The following NAALADL2 variants were observed in gnomAD, a reference collection of about 807,000 sequenced individuals.
NAALADL2 encodes N-acetylated alpha-linked acidic dipeptidase like 2.
In NAALADL2, 76 loss-of-function variants were observed where a neutral mutation model predicts 87.2. That is an observed-to-expected ratio of 0.87 (90% confidence interval 0.72 to 1.05). The LOEUF (loss-of-function observed/expected upper bound fraction) is 1.05. Ranked by LOEUF, NAALADL2 falls within the 50% of genes least tolerant of loss-of-function variation. The pLI, the probability that NAALADL2 is intolerant of heterozygous loss-of-function variation, is 0.00. For synonymous variants in NAALADL2, 354 were observed against 331.0 expected (o/e 1.07, Z -0.75); for missense variants, 1,089 against 945.8 (o/e 1.15, Z -1.99).
At chr3:175,724,065 A>G (rs902114573) in intron 11 of NAALADL2, among the ~76,000 whole-genome samples, 1 of 152,140 alleles carries the variant, frequency 6.6e-6, no homozygotes, top group Non-Finnish European at 1.5e-5. Flanking sequence ...TAACTATGTC[A>G]CAGTTTTACC....
chr3:175,354,363 A>G (rs1764110487), intron 5 of NAALADL2, among the ~76,000 whole-genome samples: 1 of 152,210 alleles, frequency 6.6e-6, no homozygotes, highest in South Asian at 2.1e-4. Context: ...TATTTGAAAC[A>G]GGATCAATTT....
intron 13 of NAALADL2, among the ~76,000 whole-genome samples, chr3:175,796,804 A>G (rs1359859639): frequency 2.6e-5 from 4 of 152,240 alleles, no homozygotes; most frequent in African/African-American, 4.8e-5. Flanking sequence ...CAGGCTTACA[A>G]TGGATGGCAT....
intron 1 of NAALADL2, among the ~76,000 whole-genome samples, chr3:175,068,618 T>C (rs906537889): frequency 6.6e-6 from 1 of 152,094 alleles, no homozygotes; most frequent in African/African-American, 2.4e-5. Flanking sequence ...ACTTAGGTCT[T>C]GCTATCAAGT....
intron 2 of NAALADL2, among the ~76,000 whole-genome samples, chr3:175,155,751 T>C (rs1732220676): frequency 6.6e-6 from 1 of 152,162 alleles, no homozygotes; most frequent in African/African-American, 2.4e-5. Flanking sequence ...ATTGGAATCA[T>C]CTCAGAGGCT....
At chr3:174,468,384 C>CTT (rs67829845) in intron 1 of NAALADL2, among the ~76,000 whole-genome samples, 3,953 of 132,678 alleles carry the variant, frequency 0.03, 116 homozygotes, top group Non-Finnish European at 0.044. Flanking sequence ...CTTTCTTTTT[C>CTT]TTTTTTTTTT....
At chr3:174,696,655 T>C (rs951401808) in intron 2 of NAALADL2, among the ~76,000 whole-genome samples, 2 of 149,330 alleles carry the variant, frequency 1.3e-5, no homozygotes, top group Non-Finnish European at 3.0e-5. Flanking sequence ...ACTACAGATA[T>C]ATTTTTTCCA....
chr3:175,342,530 G>GTGTA (rs1488097996), intron 5 of NAALADL2, among the ~76,000 whole-genome samples: 1 of 151,930 alleles, frequency 6.6e-6, no homozygotes, highest in Admixed American at 6.6e-5. Context: ...GTGTGTGTGT[G>GTGTA]TGTATCACTA....
At chr3:174,840,505 A>C (rs1723905204) in intron 3 of NAALADL2, among the ~76,000 whole-genome samples, 1 of 152,158 alleles carries the variant, frequency 6.6e-6, no homozygotes, top group Non-Finnish European at 1.5e-5. Context: ...TGAAGGATAC[A>C]TGGAATAAAT....
intron 1 of NAALADL2, among the ~76,000 whole-genome samples, chr3:175,068,405 C>G (rs989214189): frequency 6.6e-6 from 1 of 151,992 alleles, no homozygotes; most frequent in Admixed American, 6.6e-5. Context: ...TCAGAACTTT[C>G]TAAAGTATAT....
At chr3:175,127,970 T>C (rs968967237) in intron 2 of NAALADL2, among the ~76,000 whole-genome samples, 7 of 152,224 alleles carry the variant, frequency 4.6e-5, no homozygotes, top group African/African-American at 1.7e-4. Context: ...TTGATTTCAA[T>C]TATGTATACT....
chr3:175,532,090 A>G (rs1354059881), intron 9 of NAALADL2, among the ~76,000 whole-genome samples: 2 of 152,194 alleles, frequency 1.3e-5, no homozygotes, highest in Non-Finnish European at 2.9e-5. Flanking sequence ...AAGTGTGTCT[A>G]TGCCAATTAT....
At chr3:174,668,530 C>T (rs1216053004) in intron 2 of NAALADL2, among the ~76,000 whole-genome samples, 4 of 152,114 alleles carry the variant, frequency 2.6e-5, no homozygotes, top group Non-Finnish European at 5.9e-5. Context: ...AGTAACTCGT[C>T]ATTTAACATT....
chr3:175,252,213 C>A (rs1170916376), intron 3 of NAALADL2, among the ~76,000 whole-genome samples: 1 of 152,176 alleles, frequency 6.6e-6, no homozygotes, highest in Non-Finnish European at 1.5e-5. Flanking sequence ...GGCAACCCTG[C>A]ATTTAGCAAG....
At chr3:174,977,155 A>G (rs541537053) in intron 1 of NAALADL2, among the ~76,000 whole-genome samples, 1 of 152,250 alleles carries the variant, frequency 6.6e-6, no homozygotes, top group Non-Finnish European at 1.5e-5. Flanking sequence ...CAAGTACTAC[A>G]TGACCTCCCA....
At chr3:174,900,569 C>CA (rs1055724286) in intron 1 of NAALADL2, among the ~76,000 whole-genome samples, 2 of 151,696 alleles carry the variant, frequency 1.3e-5, no homozygotes, top group Non-Finnish European at 2.9e-5. Context: ...GATAACCTAA[C>CA]AAAAAATTCT....
At chr3:175,541,991 G>T (rs545964309) in intron 9 of NAALADL2, among the ~76,000 whole-genome samples, 2 of 152,062 alleles carry the variant, frequency 1.3e-5, no homozygotes, top group Admixed American at 6.6e-5. Context: ...AGTGTTAATT[G>T]TAAGTGTGAG....
chr3:174,613,271 G>A (rs989155964), intron 2 of NAALADL2, among the ~76,000 whole-genome samples: 1 of 152,102 alleles, frequency 6.6e-6, no homozygotes, highest in Non-Finnish European at 1.5e-5. Flanking sequence ...CTTGCCCAAG[G>A]CCTGCTGAAA....
chr3:175,071,961 T>C (rs1306051089), intron 1 of NAALADL2, among the ~76,000 whole-genome samples: 2 of 152,098 alleles, frequency 1.3e-5, no homozygotes, highest in African/African-American at 4.8e-5. Context: ...CAGTCATATA[T>C]TCTGTCTTTT....
intron 5 of NAALADL2, among the ~76,000 whole-genome samples, chr3:175,382,225 G>T (rs938319321): frequency 2.0e-5 from 3 of 152,046 alleles, no homozygotes; most frequent in Non-Finnish European, 4.4e-5. Context: ...AGTCAAACAT[G>T]AAGAAATTTT....
Sources: gnomAD v4.1 joint callset for allele counts (sites outside exome capture counted in the v4.1 genomes callset) on GRCh38, gnomAD v4.1.1 for gene constraint, MANE v1.5 for transcripts, NCBI Gene and HGNC (gene_info 2026-07-23, HGNC 2026-07-21) for gene names.